The following WWOX variants were observed in gnomAD, a reference collection of about 807,000 sequenced individuals.
WWOX encodes WW domain containing oxidoreductase, also known as WW domain-containing oxidoreductase.
In WWOX, 69 loss-of-function variants were observed where a neutral mutation model predicts 46.2. That is an observed-to-expected ratio of 1.49 (90% CI 1.23 to 1.82). WWOX has a LOEUF of 1.82. Among genes scored for constraint, WWOX ranks in the 40% most tolerant of loss-of-function variants. The probability of loss-of-function intolerance (pLI) is 0.00; values close to 1 mark genes in which losing one functional copy is unlikely to be tolerated. For missense variants in WWOX, 919 were observed against 542.6 expected, an observed-to-expected ratio of 1.69 and a Z score of -6.89; for synonymous variants, 359 against 202.6, an observed-to-expected ratio of 1.77 and a Z score of -6.56.
chr16:79,015,840 C>T (rs1283621699), intron 8 of WWOX, among the ~76,000 whole-genome samples: 1 of 152,220 alleles, frequency 6.6e-6, no homozygotes, highest in Non-Finnish European at 1.5e-5. Flanking sequence ...CAACCCCCGC[C>T]TCCCGGGTTC....
intron 5 of WWOX, among the ~76,000 whole-genome samples, chr16:78,303,562 G>T (rs551500566): frequency 6.6e-6 from 1 of 151,834 alleles, no homozygotes; most frequent in Admixed American, 6.5e-5. Flanking sequence ...TTGTTTTTTT[G>T]AGATGGTGTT....
intron 8 of WWOX, among the ~76,000 whole-genome samples, chr16:78,914,756 G>C (rs191215316): frequency 6.6e-6 from 1 of 151,924 alleles, no homozygotes; most frequent in East Asian, 2.0e-4. Context: ...GCAGGCGCCT[G>C]TAGTCCCAGC....
chr16:78,729,661 G>C (rs891145471), intron 8 of WWOX, among the ~76,000 whole-genome samples: 1 of 152,112 alleles, frequency 6.6e-6, no homozygotes, highest in African/African-American at 2.4e-5. Context: ...GGGACTTCTG[G>C]CTTCCGGAAC....
intron 8 of WWOX, among the ~76,000 whole-genome samples, chr16:79,052,615 A>G (rs1423972375): frequency 1.3e-5 from 2 of 152,186 alleles, no homozygotes; most frequent in South Asian, 2.1e-4. Flanking sequence ...GCCAGTCGGA[A>G]CAAATACAGA....
chr16:78,381,734 C>G (rs2081960922), intron 5 of WWOX, among the ~76,000 whole-genome samples: 1 of 152,054 alleles, frequency 6.6e-6, no homozygotes, highest in African/African-American at 2.4e-5. Flanking sequence ...GTTAAACAAG[C>G]ATGGGAGGAT....
At chr16:78,735,696 T>C (rs1394917681) in intron 8 of WWOX, among the ~76,000 whole-genome samples, 1 of 152,186 alleles carries the variant, frequency 6.6e-6, no homozygotes. Context: ...GCCACCGTGA[T>C]GCCTGGCTCA....
chr16:78,848,441 C>G (rs867503642), intron 8 of WWOX, among the ~76,000 whole-genome samples: 1 of 152,160 alleles, frequency 6.6e-6, no homozygotes, highest in Admixed American at 6.5e-5. Context: ...ATGTAAGGCT[C>G]TGAGTGTTTA....
chr16:79,143,601 A>G (rs1395750311), intron 8 of WWOX, among the ~76,000 whole-genome samples: 1 of 152,218 alleles, frequency 6.6e-6, no homozygotes, highest in African/African-American at 2.4e-5. Context: ...GATGATAAAA[A>G]TTATGATAAT....
intron 8 of WWOX, among the ~76,000 whole-genome samples, chr16:79,136,651 G>T (rs532012706): frequency 1.3e-5 from 2 of 152,194 alleles, no homozygotes; most frequent in African/African-American, 4.8e-5. Context: ...ATGGATTCCA[G>T]AGACAGGGTG....
At chr16:78,993,996 C>G (rs1043007412) in intron 8 of WWOX, among the ~76,000 whole-genome samples, 2 of 152,202 alleles carry the variant, frequency 1.3e-5, no homozygotes, top group African/African-American at 4.8e-5. Context: ...CTAGAGAACC[C>G]TGGAGCTACG....
At chr16:78,624,747 T>G (rs1010492882) in intron 8 of WWOX, among the ~76,000 whole-genome samples, 2 of 152,220 alleles carry the variant, frequency 1.3e-5, no homozygotes, top group Non-Finnish European at 2.9e-5. Flanking sequence ...TCCAGCACCC[T>G]GGCTGGAAAT....
At chr16:78,578,260 A>ATATATATATATATT (rs1555567060) in intron 8 of WWOX, among the ~76,000 whole-genome samples, 4 of 21,526 alleles carry the variant, frequency 1.9e-4, no homozygotes, top group African/African-American at 6.2e-4. Context: ...AATTTTATAT[A>ATATATATATATATT]TATATATATA....
chr16:78,425,500 T>C (rs78245402), intron 7 of WWOX, among the ~76,000 whole-genome samples: 54 of 152,334 alleles, frequency 3.5e-4, no homozygotes, highest in Non-Finnish European at 7.1e-4. Flanking sequence ...ATTAGCTGTG[T>C]AATTGTGGAA....
intron 8 of WWOX, among the ~76,000 whole-genome samples, chr16:79,042,332 A>G (rs1457606942): frequency 1.3e-5 from 2 of 152,150 alleles, no homozygotes; most frequent in East Asian, 1.9e-4. Flanking sequence ...GGCTTGGAAC[A>G]TGGAAGTTCA....
rs114235217 is a variant in WWOX, at chr16:78,630,954, A to G, written c.1056+198202A>G. On this transcript the variant is annotated intron_variant, in intron 8 of 8. Transcript: ENST00000566780. ...AGCATTCGAACAAACGGAGGGTGGT[A>G]TCTGTACTGAAAATGTACCAACTGC... Among the ~76,000 whole-genome samples the G allele has an allele frequency of 5.3e-5, 8 of 152,324 alleles. No homozygotes were observed. The East Asian group carries it at 1.2e-3, about 22-fold the overall frequency.
At chr16:78,563,530 T>C (rs1256740155) in intron 8 of WWOX, among the ~76,000 whole-genome samples, 1 of 150,884 alleles carries the variant, frequency 6.6e-6, no homozygotes, top group Non-Finnish European at 1.5e-5. Flanking sequence ...TTTTTTTTTT[T>C]TTCTTTTTTT....
chr16:78,454,999 C>A (rs2083782214), intron 8 of WWOX, among the ~76,000 whole-genome samples: 1 of 152,202 alleles, frequency 6.6e-6, no homozygotes, highest in African/African-American at 2.4e-5. Flanking sequence ...TGACTTAAGG[C>A]ATAGCAAATG....
chr16:79,127,447 A>G (rs892320192), intron 8 of WWOX, among the ~76,000 whole-genome samples: 5 of 152,100 alleles, frequency 3.3e-5, no homozygotes, highest in Non-Finnish European at 5.9e-5. Context: ...TTATTTCTTC[A>G]TTTTTTAACA....
At chr16:78,892,814 C>G (rs1159289429) in intron 8 of WWOX, among the ~76,000 whole-genome samples, 1 of 152,168 alleles carries the variant, frequency 6.6e-6, no homozygotes, top group Non-Finnish European at 1.5e-5. Flanking sequence ...TGCAGTTAGG[C>G]CAAGGGCTGC....
Sources: gnomAD v4.1 joint callset for allele counts (sites outside exome capture counted in the v4.1 genomes callset) on GRCh38, gnomAD v4.1.1 for gene constraint, MANE v1.5 for transcripts, NCBI Gene and HGNC (gene_info 2026-07-23, HGNC 2026-07-21) for gene names.